The following GABRG1 variants were observed in gnomAD, a reference collection of about 807,000 sequenced individuals.
GABRG1 encodes gamma-aminobutyric acid type A receptor subunit gamma1, also known as gamma-aminobutyric acid receptor subunit gamma-1.
In GABRG1, 49 loss-of-function variants were observed where a neutral mutation model predicts 49.8. The observed-to-expected ratio is 0.98, with a 90% confidence interval of 0.78 to 1.25. The LOEUF (loss-of-function observed/expected upper bound fraction) is 1.25. Ranked by LOEUF, GABRG1 falls within the 50% of genes most tolerant of loss-of-function variation. The pLI is 0.00. For missense variants in GABRG1, 552 were observed against 552.3 expected, an observed-to-expected ratio of 1.00 and a Z score of 0.01; for synonymous variants, 232 against 185.1, an observed-to-expected ratio of 1.25 and a Z score of -2.06.
At chr4:46,114,659 C>A (rs1418893245) in intron 1 of GABRG1, among the ~76,000 whole-genome samples, 1 of 150,146 alleles carries the variant, frequency 6.7e-6, no homozygotes, top group Non-Finnish European at 1.5e-5. Context: ...AGTAAGTGAA[C>A]AGAAAAAAAA....
intron 8 of GABRG1, among the ~76,000 whole-genome samples, chr4:46,045,140 T>A (rs759814200): frequency 2.6e-5 from 4 of 152,048 alleles, no homozygotes; most frequent in Non-Finnish European, 1.5e-5. Flanking sequence ...ACAGCTGGAA[T>A]TACTGATTCT....
In GABRG1 at chr4:46,051,610, G is replaced by A. The variant is rs1718226290; in HGVS notation, c.945C>T (p.Thr315=). ...LGITTVLTMT[T]LSTIARKSLP... ...AAGACTTCCTGGCAATTGTACTCAG[G>A]GTTGTCATAGTCAGAACTGTAGTGA... Residue 315 remains threonine (T), a synonymous_variant, in exon 8 of 9, where the codon ACC becomes ACT. Coordinates refer to ENST00000295452, the MANE Select transcript of GABRG1 (RefSeq NM_173536.4). 6.2e-7 allele frequency: 1 copy of A among 1,609,922 alleles called. No homozygotes were observed. The highest frequency in any genetic ancestry group is 8.5e-7 in the Non-Finnish European group (1 of 1,177,138).
chr4:46,065,321 G>A (rs375267028), intron 4 of GABRG1, 43 bp downstream of exon 4: 927 of 1,322,320 alleles, frequency 7.0e-4, no homozygotes, highest in Non-Finnish European at 8.9e-4. Context: ...TATTAGTATG[G>A]AAAATAAATG....
intron 5 of GABRG1, among the ~76,000 whole-genome samples, chr4:46,059,959 C>T (rs1718609939): frequency 6.6e-6 from 1 of 152,088 alleles, no homozygotes; most frequent in South Asian, 2.1e-4. Flanking sequence ...ATTTTTTCCT[C>T]TCTTTTTATA....
intron 3 of GABRG1, among the ~76,000 whole-genome samples, chr4:46,078,927 T>TAA (rs1719459489): frequency 6.6e-6 from 1 of 151,974 alleles, no homozygotes; most frequent in Non-Finnish European, 1.5e-5. Context: ...AATCATAGCC[T>TAA]ATCTACATTA....
rs1204820641 is a variant in GABRG1, at chr4:46,038,781, C to G, written c.*2207G>C. 6.6e-6 allele frequency: 1 copy of G among 151,624 alleles called. No individual in the cohort carries two copies. Among genetic ancestry groups the G allele is most frequent in the African/African-American group, 2.4e-5 (1 of 41,396 alleles). 9.4% of individuals were successfully genotyped at this position (151,624 alleles called of 1,614,324 possible). A position where few individuals can be genotyped will look rare whatever the true frequency, so the allele number is the denominator to read the frequency against. On this transcript the variant is annotated 3_prime_UTR_variant, in exon 9 of 9. Transcript: ENST00000295452. Reference sequence around the variant, plus strand: ...ATCAAAATACCACTTGCTTTGAAAACAAAGTGCTTGCTTGATGGTATATAC... The same window carrying G: ...ATCAAAATACCACTTGCTTTGAAAAGAAAGTGCTTGCTTGATGGTATATAC...
At chr4:46,073,389 T>A (rs1259609401) in intron 3 of GABRG1, among the ~76,000 whole-genome samples, 4 of 152,190 alleles carry the variant, frequency 2.6e-5, no homozygotes, top group Middle Eastern at 6.8e-3. Context: ...CTCTTTACCG[T>A]AACTCAGGTC....
intron 1 of GABRG1, among the ~76,000 whole-genome samples, chr4:46,106,635 C>A (rs192260072): frequency 2.4e-4 from 36 of 151,360 alleles, no homozygotes; most frequent in Non-Finnish European, 3.3e-4. Flanking sequence ...CTGAATTAAG[C>A]TCAGGATGGA....
At chr4:46,082,588 T>C (rs150161598) in intron 3 of GABRG1, among the ~76,000 whole-genome samples, 14 of 151,924 alleles carry the variant, frequency 9.2e-5, no homozygotes, top group African/African-American at 3.1e-4. Context: ...CTTTCCTGCC[T>C]TCACCATTCC....
intron 3 of GABRG1, among the ~76,000 whole-genome samples, chr4:46,076,438 G>T (rs1033471386): frequency 8.1e-6 from 1 of 123,176 alleles, no homozygotes; most frequent in Non-Finnish European, 1.7e-5. Context: ...TGTATGGTTG[G>T]ATGTGTGTTT....
intron 8 of GABRG1, among the ~76,000 whole-genome samples, chr4:46,048,679 G>C (rs1158785938): frequency 6.6e-6 from 1 of 150,534 alleles, no homozygotes; most frequent in Non-Finnish European, 1.5e-5. Flanking sequence ...AGGAAGGAAG[G>C]AAAGGGAAGG....
intron 3 of GABRG1, among the ~76,000 whole-genome samples, chr4:46,078,555 A>G (rs987716138): frequency 3.3e-5 from 5 of 151,866 alleles, no homozygotes; most frequent in Admixed American, 6.6e-5. Context: ...AATTGCATGA[A>G]CCACCCTAGA....
At chr4:46,123,591 C>A (rs911161526) in intron 1 of GABRG1, among the ~76,000 whole-genome samples, 2 of 151,988 alleles carry the variant, frequency 1.3e-5, no homozygotes, top group African/African-American at 4.8e-5. Context: ...TGCTTGAAGT[C>A]AAAAACAACT....
intron 5 of GABRG1, among the ~76,000 whole-genome samples, chr4:46,059,356 A>C (rs1212957075): frequency 6.6e-6 from 1 of 151,810 alleles, no homozygotes. Flanking sequence ...AGGTAGTGCC[A>C]ATCTTTTTTC....
At chr4:46,118,012 A>G (rs1357401139) in intron 1 of GABRG1, among the ~76,000 whole-genome samples, 4 of 120,348 alleles carry the variant, frequency 3.3e-5, no homozygotes, top group African/African-American at 7.6e-5. Context: ...ACATATGTAT[A>G]CATGTGTATC....
chr4:46,044,227 C>T (rs1176606592), intron 8 of GABRG1, among the ~76,000 whole-genome samples: 3 of 152,070 alleles, frequency 2.0e-5, no homozygotes, highest in East Asian at 1.9e-4. Context: ...AATCCCAGCA[C>T]TTTGGGAGGC....
intron 8 of GABRG1, among the ~76,000 whole-genome samples, chr4:46,045,769 G>A (rs1219890097): frequency 1.3e-5 from 2 of 152,020 alleles, no homozygotes; most frequent in East Asian, 3.9e-4. Flanking sequence ...GTTTCACCAT[G>A]TTGGCCAGGA....
chr4:46,109,919 G>A (rs1720667067), intron 1 of GABRG1, among the ~76,000 whole-genome samples: 1 of 150,970 alleles, frequency 6.6e-6, no homozygotes, highest in Admixed American at 6.6e-5. Context: ...GTTGAGATGT[G>A]CTTTATGGCT....
intron 8 of GABRG1, among the ~76,000 whole-genome samples, chr4:46,043,819 A>C (rs1717878086): frequency 6.6e-6 from 1 of 151,964 alleles, no homozygotes; most frequent in African/African-American, 2.4e-5. Context: ...TCAAATTTTC[A>C]CTATTAAGGA....
Sources: allele counts gnomAD v4.1 joint callset (sites outside exome capture counted in the v4.1 genomes callset), GRCh38; gene constraint gnomAD v4.1.1; transcripts MANE v1.5; gene names NCBI Gene and HGNC (gene_info 2026-07-23, HGNC 2026-07-21).